The following CNTN5 variants were observed in gnomAD, a reference collection of about 807,000 sequenced individuals.
CNTN5 encodes the protein contactin-5.
In CNTN5, 77 loss-of-function variants were observed where a neutral mutation model predicts 129.1. The observed-to-expected ratio is 0.60, with a 90% CI of 0.50 to 0.72. CNTN5 has a LOEUF of 0.72. CNTN5 is among the 30% of genes least tolerant of loss of function. The probability of loss-of-function intolerance (pLI) is 0.00; values close to 1 mark genes in which losing one functional copy is unlikely to be tolerated. For missense variants in CNTN5, 1,478 were observed against 1,328.8 expected (o/e 1.11, Z -1.75); for synonymous variants, 509 against 465.6 (o/e 1.09, Z -1.20).
chr11:99,360,572 G>A (rs1229995946), intron 2 of CNTN5, among the ~76,000 whole-genome samples: 1 of 152,162 alleles, frequency 6.6e-6, no homozygotes, highest in East Asian at 1.9e-4. Context: ...GGCCTGGAGT[G>A]CACCTTGGCC....
chr11:99,618,305 C>G (rs1055914750), intron 3 of CNTN5, among the ~76,000 whole-genome samples: 1 of 152,090 alleles, frequency 6.6e-6, no homozygotes, highest in African/African-American at 2.4e-5. Context: ...TCATGAAATT[C>G]TTATAAACTA....
At chr11:99,838,154 A>T (rs924975426) in intron 4 of CNTN5, among the ~76,000 whole-genome samples, 36 of 152,132 alleles carry the variant, frequency 2.4e-4, no homozygotes, top group African/African-American at 7.0e-4. Flanking sequence ...TAATTTTAAG[A>T]TGAACTTTAT....
chr11:100,066,802 C>T (rs1943712597), intron 10 of CNTN5, among the ~76,000 whole-genome samples: 1 of 137,726 alleles, frequency 7.3e-6, no homozygotes, highest in Non-Finnish European at 1.5e-5. Context: ...AAGCCAAAGC[C>T]AATGCCCTTT....
chr11:99,391,930 A>G (rs1189528309), intron 2 of CNTN5, among the ~76,000 whole-genome samples: 1 of 152,078 alleles, frequency 6.6e-6, no homozygotes, highest in East Asian at 1.9e-4. Flanking sequence ...GAAAATCTCA[A>G]GAAGTAAAAC....
intron 2 of CNTN5, among the ~76,000 whole-genome samples, chr11:99,536,987 C>T (rs899360598): frequency 1.3e-5 from 2 of 152,084 alleles, no homozygotes; most frequent in Admixed American, 1.3e-4. Context: ...TTTTTCTGTA[C>T]TAAAGCTTCA....
intron 1 of CNTN5, among the ~76,000 whole-genome samples, chr11:99,082,848 A>C (rs1465240930): frequency 6.6e-6 from 1 of 152,204 alleles, no homozygotes; most frequent in Admixed American, 6.5e-5. Flanking sequence ...GGAAAAACAT[A>C]GCTACATTAT....
At chr11:100,151,885 A>G (rs1947073022) in intron 13 of CNTN5, among the ~76,000 whole-genome samples, 1 of 152,166 alleles carries the variant, frequency 6.6e-6, no homozygotes, top group African/African-American at 2.4e-5. Flanking sequence ...CTTTATTCCT[A>G]CATGAAAGCC....
chr11:99,870,763 C>T (rs1331923588), intron 6 of CNTN5, among the ~76,000 whole-genome samples: 1 of 152,178 alleles, frequency 6.6e-6, no homozygotes, highest in Non-Finnish European at 1.5e-5. Flanking sequence ...CATATTTCCC[C>T]TCTCCTTAAA....
chr11:99,054,600 C>T (rs961673998), intron 1 of CNTN5, among the ~76,000 whole-genome samples: 1 of 151,648 alleles, frequency 6.6e-6, no homozygotes, highest in Non-Finnish European at 1.5e-5. Flanking sequence ...TTCCTTAATC[C>T]TTAGCTTGGA....
At chr11:99,198,680 G>T (rs561896772) in intron 1 of CNTN5, among the ~76,000 whole-genome samples, 3 of 152,200 alleles carry the variant, frequency 2.0e-5, no homozygotes, top group Middle Eastern at 3.4e-3. Context: ...TATTGCAGTT[G>T]TCCCAACAAG....
At chr11:99,879,826 T>C (rs969416331) in intron 6 of CNTN5, among the ~76,000 whole-genome samples, 4 of 152,204 alleles carry the variant, frequency 2.6e-5, no homozygotes, top group African/African-American at 9.6e-5. Flanking sequence ...CGAGAGTGTG[T>C]GGAAACTGGG....
chr11:99,105,046 C>T (rs1342477364), intron 1 of CNTN5, among the ~76,000 whole-genome samples: 1 of 152,100 alleles, frequency 6.6e-6, no homozygotes. Flanking sequence ...GCTCTATTCT[C>T]ATTAGTCTCC....
At chr11:99,817,677 A>G (rs1193931067) in intron 3 of CNTN5, among the ~76,000 whole-genome samples, 2 of 147,832 alleles carry the variant, frequency 1.4e-5, no homozygotes, top group Non-Finnish European at 3.0e-5. Flanking sequence ...TTGCACTGAG[A>G]AATGAATACG....
chr11:99,678,478 A>C (rs779190881), intron 3 of CNTN5, among the ~76,000 whole-genome samples: 4 of 152,130 alleles, frequency 2.6e-5, no homozygotes, highest in African/African-American at 4.8e-5. Context: ...CCAGGAAGGA[A>C]TGCGAACGGG....
At chr11:99,888,362 T>C (rs1344319923) in intron 6 of CNTN5, among the ~76,000 whole-genome samples, 5 of 152,138 alleles carry the variant, frequency 3.3e-5, no homozygotes, top group African/African-American at 1.2e-4. Context: ...GTTTTCATTT[T>C]TCTTTGCAAT....
At chr11:99,664,770 T>C (rs1952722405) in intron 3 of CNTN5, among the ~76,000 whole-genome samples, 2 of 152,206 alleles carry the variant, frequency 1.3e-5, no homozygotes, top group Admixed American at 6.5e-5. Context: ...TTTTTCCATT[T>C]ATATAATTTG....
At chr11:99,533,761 A>C (rs1311341732) in intron 2 of CNTN5, among the ~76,000 whole-genome samples, 1 of 152,310 alleles carries the variant, frequency 6.6e-6, no homozygotes, top group East Asian at 1.9e-4. Context: ...CAGCATTCTC[A>C]CTACTCCCTT....
chr11:99,554,494 C>T (rs750487810), intron 2 of CNTN5, among the ~76,000 whole-genome samples: 6 of 152,142 alleles, frequency 3.9e-5, no homozygotes, highest in South Asian at 2.1e-4. Flanking sequence ...GTCCCAGAAA[C>T]AGCCCTTAAG....
chr11:99,524,170 G>T (rs1268270872), intron 2 of CNTN5, among the ~76,000 whole-genome samples: 1 of 152,116 alleles, frequency 6.6e-6, no homozygotes, highest in African/African-American at 2.4e-5. Context: ...GGCAGAAAAT[G>T]GTCAATCACA....
Sources: allele counts gnomAD v4.1 joint callset (sites outside exome capture counted in the v4.1 genomes callset), GRCh38; gene constraint gnomAD v4.1.1; transcripts MANE v1.5; gene names NCBI Gene and HGNC (gene_info 2026-07-23, HGNC 2026-07-21).